TMEM232: variants seen among roughly 807,000 people sequenced by gnomAD.
TMEM232 encodes the protein transmembrane protein 232.
TMEM232 carries 80 observed loss-of-function variants against 78.8 expected under a neutral mutation model. The observed-to-expected ratio is 1.01, with a 90% confidence interval of 0.85 to 1.22. The LOEUF is 1.22. Among genes scored for constraint, TMEM232 ranks in the 50% most tolerant of loss-of-function variants. The pLI, the probability that TMEM232 is intolerant of heterozygous loss-of-function variation, is 0.00. For missense variants in TMEM232, 881 were observed against 742.2 expected (o/e 1.19, Z -2.17); for synonymous variants, 297 against 254.3 (o/e 1.17, Z -1.60).
At chr5:110,635,010 C>A (rs1212693279) in intron 5 of TMEM232, among the ~76,000 whole-genome samples, 5 of 151,812 alleles carry the variant, frequency 3.3e-5, no homozygotes, top group Admixed American at 3.3e-4. Context: ...GTAGATATTA[C>A]AATTAATACC....
At chr5:110,680,396 CAA>C (rs1189611727) in intron 1 of TMEM232, among the ~76,000 whole-genome samples, 6 of 24,656 alleles carry the variant, frequency 2.4e-4, no homozygotes, top group Non-Finnish European at 3.3e-4. Context: ...GACTCTATCT[CAA>C]AAAAAAAAAA....
At chr5:110,527,440 GA>G (rs1406061149) in intron 12 of TMEM232, among the ~76,000 whole-genome samples, 1 of 151,778 alleles carries the variant, frequency 6.6e-6, no homozygotes, top group Non-Finnish European at 1.5e-5. Flanking sequence ...AAATACATAA[GA>G]AAGTATATAT....
intron 8 of TMEM232, among the ~76,000 whole-genome samples, chr5:110,611,033 G>C (rs1222641471): frequency 6.6e-6 from 1 of 151,836 alleles, no homozygotes; most frequent in Non-Finnish European, 1.5e-5. Context: ...AAGAAAAATA[G>C]GTAAGTTTTA....
At chr5:110,735,462 T>G (rs1000350898) in intron 1 of TMEM232, among the ~76,000 whole-genome samples, 8 of 152,224 alleles carry the variant, frequency 5.3e-5, no homozygotes, top group Admixed American at 2.0e-4. Context: ...TCTGTTAATA[T>G]TTGGGCTAAA....
intron 8 of TMEM232, among the ~76,000 whole-genome samples, chr5:110,610,023 C>T (rs958178308): frequency 1.1e-4 from 16 of 151,352 alleles, no homozygotes; most frequent in African/African-American, 3.4e-4. Context: ...GCCTTGATGC[C>T]GAGATGAAAG....
chr5:110,653,536 T>C (rs1352452717), intron 2 of TMEM232, among the ~76,000 whole-genome samples: 1 of 152,232 alleles, frequency 6.6e-6, no homozygotes, highest in East Asian at 1.9e-4. Context: ...TCAAAGTTCT[T>C]TCTCTGCTTT....
At chr5:110,396,270 A>G (rs1282644764) in intron 3 of TMEM232, among the ~76,000 whole-genome samples, 2 of 151,784 alleles carry the variant, frequency 1.3e-5, no homozygotes, top group African/African-American at 4.8e-5. Context: ...TCACCCAATC[A>G]CCTCCCATCA....
At chr5:110,609,765 C>T (rs1317857233) in intron 8 of TMEM232, among the ~76,000 whole-genome samples, 1 of 152,018 alleles carries the variant, frequency 6.6e-6, no homozygotes, top group Non-Finnish European at 1.5e-5. Flanking sequence ...GAACACAAAC[C>T]TCTTATTTAA....
At chr5:110,628,695 G>T (rs1254770208) in intron 5 of TMEM232, among the ~76,000 whole-genome samples, 1 of 140,974 alleles carries the variant, frequency 7.1e-6, no homozygotes, top group Non-Finnish European at 1.5e-5. Context: ...GTGTGTGTGT[G>T]TGTGTATCTC....
chr5:110,620,738 A>C (rs936218525), intron 7 of TMEM232, among the ~76,000 whole-genome samples: 2 of 149,672 alleles, frequency 1.3e-5, no homozygotes, highest in African/African-American at 4.9e-5. Context: ...ATGTGCTCCT[A>C]GTGGCCTTTG....
chr5:110,580,050 A>T (rs1777999004), intron 10 of TMEM232, among the ~76,000 whole-genome samples: 1 of 151,672 alleles, frequency 6.6e-6, no homozygotes, highest in African/African-American at 2.4e-5. Flanking sequence ...TTAAGTCAAA[A>T]AACGGTCACA....
chr5:110,522,074 A>G (rs1250187608), intron 12 of TMEM232, among the ~76,000 whole-genome samples: 1 of 152,148 alleles, frequency 6.6e-6, no homozygotes, highest in Non-Finnish European at 1.5e-5. Context: ...ACAAAATGCC[A>G]TTCATTTATG....
At chr5:110,587,755 TACAGTTTAA>T (rs1779035618) in intron 10 of TMEM232, among the ~76,000 whole-genome samples, 1 of 144,644 alleles carries the variant, frequency 6.9e-6, no homozygotes. Flanking sequence ...TGTCAGGCTG[TACAGTTTAA>T]ATATGCACAT....
At chr5:110,727,772 A>C (rs764222939), upstream of TMEM232, among the ~76,000 whole-genome samples, 5 of 152,222 alleles carry the variant, frequency 3.3e-5, no homozygotes, top group Admixed American at 6.5e-5. Context: ...CAGAAATTAC[A>C]ATATGTGATC....
chr5:110,608,367 C>A (rs1332317050), intron 8 of TMEM232, among the ~76,000 whole-genome samples: 3 of 151,732 alleles, frequency 2.0e-5, no homozygotes, highest in Non-Finnish European at 4.4e-5. Flanking sequence ...CATAGAGTGA[C>A]TGGAAGGAGA....
At chr5:110,479,170 G>A (rs982502527) in intron 12 of TMEM232, among the ~76,000 whole-genome samples, 22 of 151,692 alleles carry the variant, frequency 1.5e-4, no homozygotes, top group Admixed American at 1.4e-3. Flanking sequence ...TTTAAGGGCT[G>A]AGGTATTAAT....
At chr5:110,403,281 G>A (rs1272976219) in intron 2 of TMEM232, among the ~76,000 whole-genome samples, 2 of 152,060 alleles carry the variant, frequency 1.3e-5, no homozygotes, top group African/African-American at 4.8e-5. Context: ...ATAGATCAAA[G>A]TGTTAAAATA....
At chr5:110,482,537 C>T (rs933644521) in intron 12 of TMEM232, among the ~76,000 whole-genome samples, 4 of 149,708 alleles carry the variant, frequency 2.7e-5, no homozygotes, top group African/African-American at 5.0e-5. Context: ...GCCGAGATTG[C>T]GGCACTGCAC....
chr5:110,426,290 T>C (rs947031746), intron 12 of TMEM232, among the ~76,000 whole-genome samples: 5 of 152,080 alleles, frequency 3.3e-5, no homozygotes, highest in Admixed American at 2.6e-4. Flanking sequence ...GTGAGTTTTA[T>C]GTTTTCCTGA....
Sources: allele counts gnomAD v4.1 joint callset (sites outside exome capture counted in the v4.1 genomes callset), GRCh38; gene constraint gnomAD v4.1.1; transcripts MANE v1.5; gene names NCBI Gene and HGNC (gene_info 2026-07-23, HGNC 2026-07-21).